Variants in AKAP12 observed in about 807,000 individuals in gnomAD.
AKAP12 encodes A-kinase anchoring protein 12.
In AKAP12, 32 loss-of-function variants were observed where a neutral mutation model predicts 79.9. The observed-to-expected ratio is 0.40, with a 90% confidence interval of 0.30 to 0.54. The LOEUF is 0.54. Ranked by LOEUF, AKAP12 falls within the 20% of genes least tolerant of loss-of-function variation. The pLI is 0.48. For missense variants in AKAP12, 2,074 were observed against 2,177.0 expected (o/e 0.95, Z 0.94); for synonymous variants, 808 against 857.0 (o/e 0.94, Z 1.00).
chr6:151,344,525 T>C (rs1045826199), intron 3 of AKAP12, among the ~76,000 whole-genome samples: 2 of 152,098 alleles, frequency 1.3e-5, no homozygotes, highest in Non-Finnish European at 2.9e-5. Flanking sequence ...GTTTTGTTGT[T>C]GTTGTTGTTG....
intron 2 of AKAP12, among the ~76,000 whole-genome samples, chr6:151,263,971 C>A (rs1444567387): frequency 1.3e-5 from 2 of 152,182 alleles, no homozygotes; most frequent in African/African-American, 4.8e-5. Context: ...GATGCCTCTA[C>A]TTCATTGTCT....
intron 2 of AKAP12, among the ~76,000 whole-genome samples, chr6:151,267,865 T>G (rs750236922): frequency 6.6e-6 from 1 of 152,116 alleles, no homozygotes; most frequent in Non-Finnish European, 1.5e-5. Context: ...CTTCACCGGA[T>G]TTTTCCATTG....
chr6:151,266,205 G>A (rs1380724558), intron 2 of AKAP12, among the ~76,000 whole-genome samples: 1 of 152,166 alleles, frequency 6.6e-6, no homozygotes, highest in African/African-American at 2.4e-5. Context: ...AGTGACAAAT[G>A]ATTTAAAAAG....
chr6:151,343,109 T>C (rs1324546718), intron 3 of AKAP12, among the ~76,000 whole-genome samples: 2 of 152,308 alleles, frequency 1.3e-5, no homozygotes, highest in Admixed American at 6.5e-5. Context: ...CACGAACCTT[T>C]ATCTCCCTAG....
chr6:151,307,701 A>T lies in AKAP12; in HGVS notation c.319+1798A>T, dbSNP rs539975294. Among the ~76,000 whole-genome samples, 20 of 152,210 alleles carry T rather than the reference A, an allele frequency of 1.3e-4. No homozygotes were observed. In the South Asian group the frequency reaches 4.1e-3, roughly 32 times the overall value. On this transcript the variant is annotated intron_variant, in intron 3 of 4. Transcript: ENST00000402676. ...CCATAGTCCAGATGTGATTTCTTTT[A>T]CATTTCAGCCACGTGGGTAAACACT... is the stretch of plus-strand genomic sequence containing the variant.
chr6:151,303,877 A>G (rs753629128), intron 2 of AKAP12, among the ~76,000 whole-genome samples: 10 of 152,110 alleles, frequency 6.6e-5, no homozygotes, highest in Admixed American at 2.6e-4. Flanking sequence ...CATGGCACCT[A>G]TCTTTATGTT....
intron 2 of AKAP12, among the ~76,000 whole-genome samples, chr6:151,273,053 G>A (rs945207375): frequency 2.0e-5 from 3 of 152,086 alleles, no homozygotes; most frequent in East Asian, 3.9e-4. Context: ...GACTATAGGC[G>A]CCTGCCACCA....
intron 2 of AKAP12, among the ~76,000 whole-genome samples, chr6:151,267,729 A>G (rs1378738430): frequency 1.3e-5 from 2 of 152,262 alleles, no homozygotes; most frequent in Non-Finnish European, 2.9e-5. Context: ...TCTAGAATGT[A>G]GCCATAAAAA....
At position 151,257,336 on chromosome 6, in the gene AKAP12, G is replaced by A. The variant is rs139030390; in HGVS notation, c.162+16612G>A. Among the ~76,000 whole-genome samples the A allele has an allele frequency of 3.8e-3, 570 of 151,730 alleles. 6 individuals are homozygous for A. The highest frequency in any genetic ancestry group is 0.013 in the African/African-American group (541 of 41,298). On this transcript the variant is annotated intron_variant, in intron 2 of 4. Coordinates refer to ENST00000402676, the MANE Select transcript of AKAP12 (RefSeq NM_005100.4). The stretch of plus-strand genomic sequence containing the variant: ...ATTTTTGAGACAGTCTTGCTCTGTC[G>A]CCCAGGCTGGAGTGCAGCGGCGTGA...
intron 3 of AKAP12, chr6:151,348,435 T>A (rs1359725482): frequency 1.8e-6 from 1 of 543,434 alleles, no homozygotes; most frequent in Admixed American, 2.2e-5. Flanking sequence ...GCCCAGCAGT[T>A]GGAGAGCAGC....
intron 2 of AKAP12, among the ~76,000 whole-genome samples, chr6:151,268,336 G>C (rs907634453): frequency 5.3e-5 from 8 of 152,270 alleles, no homozygotes; most frequent in Non-Finnish European, 1.2e-4. Flanking sequence ...AGAATTGCTT[G>C]AACCCGGGAG....
intron 2 of AKAP12, among the ~76,000 whole-genome samples, chr6:151,247,290 A>G (rs1395891646): frequency 6.6e-6 from 1 of 152,080 alleles, no homozygotes. Flanking sequence ...AGTCCTAGCT[A>G]CTTGGAAGGC....
intron 2 of AKAP12, among the ~76,000 whole-genome samples, chr6:151,293,803 T>C (rs542369409): frequency 1.3e-5 from 2 of 152,310 alleles, no homozygotes; most frequent in East Asian, 3.9e-4. Flanking sequence ...GGATTACATA[T>C]TCTTCTCCCC....
intron 3 of AKAP12, among the ~76,000 whole-genome samples, chr6:151,339,318 T>G (rs1777890451): frequency 1.3e-5 from 2 of 152,254 alleles, no homozygotes; most frequent in Admixed American, 1.3e-4. Flanking sequence ...ATTTTGCTCC[T>G]TTAGTGCCTT....
intron 2 of AKAP12, among the ~76,000 whole-genome samples, chr6:151,246,400 A>G (rs1045877406): frequency 2.0e-5 from 3 of 152,222 alleles, no homozygotes; most frequent in Admixed American, 1.3e-4. Flanking sequence ...CCTGGGTGAC[A>G]GTGCAAGACT....
At chr6:151,268,882 G>A (rs1437868168) in intron 2 of AKAP12, among the ~76,000 whole-genome samples, 3 of 148,514 alleles carry the variant, frequency 2.0e-5, no homozygotes, top group Admixed American at 1.3e-4. Flanking sequence ...GTCCTCAAGC[G>A]ATCCACCCGC....
At chr6:151,312,865 C>T (rs1415385150) in intron 3 of AKAP12, among the ~76,000 whole-genome samples, 1 of 149,398 alleles carries the variant, frequency 6.7e-6, no homozygotes, top group Non-Finnish European at 1.5e-5. Context: ...TGGTCCATGG[C>T]AGGAGATGGG....
intron 3 of AKAP12, chr6:151,324,215 G>A (rs2114783432): frequency 1.0e-6 from 1 of 985,420 alleles, no homozygotes; most frequent in Non-Finnish European, 1.2e-6. Context: ...GGGTCTGGGA[G>A]TCAGCTTCCA....
chr6:151,315,059 A>G (rs1251238279), intron 3 of AKAP12, among the ~76,000 whole-genome samples: 2 of 151,644 alleles, frequency 1.3e-5, no homozygotes, highest in Non-Finnish European at 2.9e-5. Context: ...CTCAAGAAAA[A>G]AAAAAAAAAA....
Sources: allele counts gnomAD v4.1 joint callset (sites outside exome capture counted in the v4.1 genomes callset), GRCh38; gene constraint gnomAD v4.1.1; transcripts MANE v1.5; gene names NCBI Gene and HGNC (gene_info 2026-07-23, HGNC 2026-07-21).